Variants in SERPINI2 observed in about 807,000 individuals in gnomAD.
The protein encoded by SERPINI2 is serpin family I member 2, also known as serpin I2.
Under a neutral mutation model 47.3 loss-of-function variants are expected in SERPINI2, and 48 were observed. That is an observed-to-expected ratio of 1.02 (90% CI 0.81 to 1.29). The LOEUF is 1.29. Among genes scored for constraint, SERPINI2 ranks in the 50% most tolerant of loss-of-function variants. The probability of loss-of-function intolerance (pLI) is 0.00; values close to 1 mark genes in which losing one functional copy is unlikely to be tolerated. For missense variants in SERPINI2, 448 were observed against 456.9 expected, an observed-to-expected ratio of 0.98 and a Z score of 0.18; for synonymous variants, 135 against 149.3, an observed-to-expected ratio of 0.90 and a Z score of 0.70.
intron 1 of SERPINI2, chr3:167,473,650 G>T: frequency 1.9e-6 from 1 of 513,656 alleles, no homozygotes; most frequent in Non-Finnish European, 3.3e-6. Flanking sequence ...TATTATTTGA[G>T]CATCCACATC....
intron 2 of SERPINI2, among the ~76,000 whole-genome samples, chr3:167,467,598 T>C (rs999769155): frequency 2.6e-5 from 4 of 152,220 alleles, no homozygotes; most frequent in African/African-American, 9.6e-5. Context: ...GCATTTTTAG[T>C]TATTGAAATT....
At chr3:167,465,781 A>G in intron 3 of SERPINI2, 108 bp from the exon 4 acceptor site, 2 of 856,454 alleles carry the variant, frequency 2.3e-6, no homozygotes, top group Non-Finnish European at 3.5e-6. Flanking sequence ...TCAGTTTTGG[A>G]TAGGGCATGT....
intron 1 of SERPINI2, 103 bp downstream of exon 1, chr3:167,473,900 A>C: frequency 8.5e-7 from 1 of 1,175,362 alleles, no homozygotes; most frequent in East Asian, 3.2e-5. Context: ...TGATTTTTAC[A>C]CCAAAGTAAA....
At chr3:167,469,088 T>C (rs1233611503) in intron 2 of SERPINI2, among the ~76,000 whole-genome samples, 1 of 152,208 alleles carries the variant, frequency 6.6e-6, no homozygotes, top group African/African-American at 2.4e-5. Context: ...TAGTACAAGT[T>C]TGGAGAAGAA....
intron 2 of SERPINI2, among the ~76,000 whole-genome samples, chr3:167,467,872 G>T (rs1750186843): frequency 6.6e-6 from 1 of 152,080 alleles, no homozygotes; most frequent in Non-Finnish European, 1.5e-5. Context: ...ATATACTTTG[G>T]CTGTCGACAT....
upstream of SERPINI2, among the ~76,000 whole-genome samples, chr3:167,476,451 C>T (rs1750480928): frequency 6.6e-6 from 1 of 151,874 alleles, no homozygotes; most frequent in Non-Finnish European, 1.5e-5. Flanking sequence ...CTTCTTAATT[C>T]CTTTTACAGA....
upstream of SERPINI2, chr3:167,474,245 T>C (rs1460328994): frequency 2.1e-6 from 1 of 484,506 alleles, no homozygotes; most frequent in Non-Finnish European, 2.7e-6. Context: ...TAGAATTTTT[T>C]AAAAGTATTA....
chr3:167,463,241 T>C (rs933390979), intron 5 of SERPINI2, among the ~76,000 whole-genome samples: 5 of 152,020 alleles, frequency 3.3e-5, no homozygotes, highest in Admixed American at 1.3e-4. Context: ...TATTAGAAGG[T>C]AAACCATCTG....
exon 3 of SERPINI2, chr3:167,467,098 A>C: frequency 2.5e-6 from 4 of 1,613,482 alleles, no homozygotes; most frequent in Non-Finnish European, 3.4e-6. Flanking sequence ...TCTCTGCACA[A>C]GCCTTTGCAT....
chr3:167,471,984 C>G, intron 1 of SERPINI2, 140 bp from the exon 2 acceptor site: 1 of 599,342 alleles, frequency 1.7e-6, no homozygotes, highest in East Asian at 2.7e-5. Context: ...AATTAGATTT[C>G]TAAGTATCAT....
At chr3:167,455,967 TG>T (rs1749778273) in intron 5 of SERPINI2, among the ~76,000 whole-genome samples, 1 of 152,148 alleles carries the variant, frequency 6.6e-6, no homozygotes, top group Admixed American at 6.5e-5. Flanking sequence ...CAATTTGACA[TG>T]AGATTTGGGT....
chr3:167,453,195 A>G lies in SERPINI2; in HGVS notation c.867-162T>C, dbSNP rs1018402856. On this transcript the variant is annotated intron_variant, in intron 5 of 8. Coordinates refer to ENST00000264677, the Ensembl canonical transcript of SERPINI2. The stretch of plus-strand genomic sequence containing the variant: ...TTTCACACCATTTTCCCCGGCTCCA[A>G]CAATCAGCTCTGGGTTGCCAATAAC... Among the ~76,000 whole-genome samples, 12 of 152,182 alleles carry G rather than the reference A, an allele frequency of 7.9e-5. 1 individual carries two copies. The highest frequency in any genetic ancestry group is 1.5e-4 in the Non-Finnish European group (10 of 68,036).
intron 1 of SERPINI2, among the ~76,000 whole-genome samples, chr3:167,472,657 A>G (rs1472310761): frequency 6.6e-6 from 1 of 151,900 alleles, no homozygotes; most frequent in Non-Finnish European, 1.5e-5. Flanking sequence ...ATATCAAAGA[A>G]TTGACAGAAA....
intron 8 of SERPINI2, among the ~76,000 whole-genome samples, chr3:167,444,896 A>G (rs1749430528): frequency 6.6e-6 from 1 of 152,186 alleles, no homozygotes; most frequent in Admixed American, 6.5e-5. Context: ...CCTGGAAAAT[A>G]GAGTAAAACA....
intron 5 of SERPINI2, among the ~76,000 whole-genome samples, chr3:167,455,115 C>T (rs2108158819): frequency 6.6e-6 from 1 of 152,232 alleles, no homozygotes; most frequent in South Asian, 2.1e-4. Context: ...ATATTTCTCC[C>T]AGTTGTGGTT....
chr3:167,466,769 CTA>C (rs1489452393), intron 3 of SERPINI2, among the ~76,000 whole-genome samples: 6 of 151,990 alleles, frequency 3.9e-5, no homozygotes, highest in Non-Finnish European at 8.8e-5. Context: ...CCTGAAAAAT[CTA>C]TGTTTTAACA....
chr3:167,469,887 T>C (rs1288661058), intron 2 of SERPINI2, among the ~76,000 whole-genome samples: 1 of 152,176 alleles, frequency 6.6e-6, no homozygotes, highest in Non-Finnish European at 1.5e-5. Flanking sequence ...CTCAGTTTTC[T>C]CAGGTTTATT....
chr3:167,464,008 G>GTTTTT (rs1750059711), intron 5 of SERPINI2, among the ~76,000 whole-genome samples: 2 of 115,376 alleles, frequency 1.7e-5, no homozygotes, highest in African/African-American at 3.3e-5. Flanking sequence ...AACAGGAGTG[G>GTTTTT]CTTTTTTTTT....
At chr3:167,464,778 T>C (rs2108168240) in intron 5 of SERPINI2, among the ~76,000 whole-genome samples, 1 of 152,328 alleles carries the variant, frequency 6.6e-6, no homozygotes, top group East Asian at 1.9e-4. Flanking sequence ...TATAATTCAA[T>C]GATTGTTAGA....
Sources: allele counts gnomAD v4.1 joint callset (sites outside exome capture counted in the v4.1 genomes callset), GRCh38; gene constraint gnomAD v4.1.1; transcripts MANE v1.5; gene names NCBI Gene and HGNC (gene_info 2026-07-23, HGNC 2026-07-21).